Variants in CD200R1 observed in about 807,000 individuals in gnomAD.
The protein encoded by CD200R1 is cell surface glycoprotein CD200 receptor 1.
CD200R1 carries 30 observed loss-of-function variants against 38.1 expected under a neutral mutation model. The ratio of observed to expected loss-of-function variants is 0.79; its 90% confidence interval spans 0.59 to 1.07. The LOEUF is 1.07. Among genes scored for constraint, CD200R1 ranks in the 50% least tolerant of loss-of-function variants. The probability of loss-of-function intolerance (pLI) is 0.00; values close to 1 mark genes in which losing one functional copy is unlikely to be tolerated. For missense variants in CD200R1, 372 were observed against 415.4 expected (o/e 0.90, Z 0.91); for synonymous variants, 128 against 152.1 (o/e 0.84, Z 1.16).
chr3:112,960,335 ATC>A (rs1424118925), intron 1 of CD200R1, among the ~76,000 whole-genome samples: 1 of 152,234 alleles, frequency 6.6e-6, no homozygotes, highest in African/African-American at 2.4e-5. Flanking sequence ...ACAGCATATT[ATC>A]TTAATTGTTC....
intron 1 of CD200R1, among the ~76,000 whole-genome samples, chr3:112,968,382 C>T (rs1933218896): frequency 6.6e-6 from 1 of 152,132 alleles, no homozygotes; most frequent in Admixed American, 6.6e-5. Flanking sequence ...AGTTTCACTT[C>T]TTTATGGGCC....
intron 2 of CD200R1, among the ~76,000 whole-genome samples, chr3:112,935,394 A>G (rs1476228800): frequency 2.0e-5 from 3 of 152,246 alleles, no homozygotes; most frequent in African/African-American, 7.2e-5. Context: ...ATCTTATGTG[A>G]CCACAATGGA....
chr3:112,972,032 G>T (rs1342202388), intron 1 of CD200R1, among the ~76,000 whole-genome samples: 2 of 151,976 alleles, frequency 1.3e-5, no homozygotes, highest in Non-Finnish European at 2.9e-5. Flanking sequence ...TTCACCAATT[G>T]TTTCATCTTA....
At chr3:112,966,935 AT>A (rs1260683087) in intron 1 of CD200R1, among the ~76,000 whole-genome samples, 1 of 151,982 alleles carries the variant, frequency 6.6e-6, no homozygotes, top group Non-Finnish European at 1.5e-5. Context: ...TCAAACTGCA[AT>A]TTTCAAGGTC....
At chr3:112,942,871 T>G (rs9854885) in intron 2 of CD200R1, among the ~76,000 whole-genome samples, 1 of 151,346 alleles carries the variant, frequency 6.6e-6, no homozygotes, top group Non-Finnish European at 1.5e-5. Flanking sequence ...GAAAAGTTAT[T>G]ACATAATGAT....
In CD200R1 at chr3:112,974,890, T is replaced by C. The variant is rs1417875072; in HGVS notation, c.-33A>G. On this transcript the variant is annotated 5_prime_UTR_variant, in exon 1 of 8. Coordinates refer to ENST00000308611, the MANE Select transcript of CD200R1 (RefSeq NM_138806.4). ...TTCTCTTTTTCTGCCCTTCACTCAG[T>C]ACTTTTCCTCCACACAGGTACAGAA... 4 of 1,578,158 alleles carry C rather than the reference T, an allele frequency of 2.5e-6. No individual in the cohort carries two copies. The highest frequency in any genetic ancestry group is 3.5e-6 in the Non-Finnish European group (4 of 1,148,384).
At chr3:112,956,067 GT>G (rs905371041) in intron 1 of CD200R1, among the ~76,000 whole-genome samples, 11 of 151,930 alleles carry the variant, frequency 7.2e-5, no homozygotes, top group Non-Finnish European at 1.5e-4. Context: ...GGTTTGGAAA[GT>G]TTTTTGCTAT....
At chr3:112,943,579 G>A (rs1488206803) in intron 2 of CD200R1, among the ~76,000 whole-genome samples, 1 of 151,468 alleles carries the variant, frequency 6.6e-6, no homozygotes, top group East Asian at 1.9e-4. Context: ...CTAGAAAATA[G>A]AAGAGCAAAT....
Position 112,962,805 on chromosome 3 carries a change from T to A in CD200R1, c.67+11986A>T, listed in dbSNP as rs139523171. Among the ~76,000 whole-genome samples the A allele has an allele frequency of 2.0e-3, 301 of 152,312 alleles. 6 individuals are homozygous for A. The East Asian group carries it at 0.046, about 23-fold the overall frequency. On this transcript the variant is annotated intron_variant, in intron 1 of 7. Coordinates refer to ENST00000308611, the MANE Select transcript of CD200R1 (RefSeq NM_138806.4). ...ACTAGAGCCTTGAAAACATTTATAA[T>A]TAGAGATCTCTTGGAGGCATTGCAC...
chr3:112,954,248 T>G (rs1049923857), intron 1 of CD200R1, among the ~76,000 whole-genome samples: 1 of 152,184 alleles, frequency 6.6e-6, no homozygotes, highest in African/African-American at 2.4e-5. Context: ...TGTTATTGAT[T>G]TCAGGCTTTA....
At position 112,922,737 on chromosome 3, in the gene CD200R1, A is replaced by C. The variant is rs1940197831; in HGVS notation, c.*940T>G. On this transcript the variant is annotated 3_prime_UTR_variant, in exon 8 of 8. Coordinates refer to ENST00000308611, the MANE Select transcript of CD200R1 (RefSeq NM_138806.4). ...AGTATAATTCTTATTATAATCTCACATCATATTTAATCTGGTTGATTAAAA... is the reference window on the plus strand; with the variant it reads ...AGTATAATTCTTATTATAATCTCACCTCATATTTAATCTGGTTGATTAAAA... 6.6e-6 allele frequency: 1 copy of C among 151,976 alleles called. No homozygotes were observed. Among genetic ancestry groups the C allele is most frequent in the Non-Finnish European group, 1.5e-5 (1 of 67,916 alleles). The allele number at this position is 151,976 out of a possible 1,614,324, so 9.4% of individuals were successfully genotyped here. A position where few individuals can be genotyped will look rare whatever the true frequency, so the allele number is the denominator to read the frequency against.
chr3:112,947,799 C>T, intron 2 of CD200R1, 57 bp downstream of exon 2: 1 of 1,099,452 alleles, frequency 9.1e-7, no homozygotes. Context: ...AAATGTAAAA[C>T]CTATATGGAC....
chr3:112,956,408 A>G (rs1436090587), intron 1 of CD200R1, among the ~76,000 whole-genome samples: 2 of 150,634 alleles, frequency 1.3e-5, no homozygotes, highest in Non-Finnish European at 3.0e-5. Context: ...GCCACTTAAT[A>G]TTTTCCTAAT....
intron 2 of CD200R1, among the ~76,000 whole-genome samples, chr3:112,940,285 A>G (rs1940698137): frequency 6.6e-6 from 1 of 151,948 alleles, no homozygotes; most frequent in Non-Finnish European, 1.5e-5. Context: ...ATAAGACCTC[A>G]ATAGCATAGG....
Position 112,954,442 on chromosome 3 carries a change from T to C in CD200R1, c.68-6518A>G, listed in dbSNP as rs151024219. On this transcript the variant is annotated intron_variant, in intron 1 of 7. Coordinates refer to ENST00000308611, the MANE Select transcript of CD200R1 (RefSeq NM_138806.4). ...TCCTTAAAGTCTCCAAAGTGATGTC[T>C]TTTGTGTATGCTCATTAGTTGACTG... is the stretch of plus-strand genomic sequence containing the variant. Among the ~76,000 whole-genome samples, 475 of 152,340 alleles carry C rather than the reference T, an allele frequency of 3.1e-3. 3 individuals are homozygous for C. Among genetic ancestry groups the C allele is most frequent in the African/African-American group, 0.011 (458 of 41,574 alleles).
Position 112,943,479 on chromosome 3 carries a change from G to C in CD200R1, c.136+4377C>G, listed in dbSNP as rs543530592. Among the ~76,000 whole-genome samples the C allele has an allele frequency of 2.0e-5, 3 of 151,838 alleles. No individual in the cohort carries two copies. The East Asian group carries it at 5.8e-4, about 29-fold the overall frequency. Reference sequence around the variant, plus strand: ...AAAATTTGTGGATGCAGCAGGAGTAGTTCTTAGAGGGAAATTTATAGCATT... The same window carrying C: ...AAAATTTGTGGATGCAGCAGGAGTACTTCTTAGAGGGAAATTTATAGCATT... On this transcript the variant is annotated intron_variant, in intron 2 of 7. Transcript: ENST00000308611.
Position 112,925,012 on chromosome 3 carries a change from G to A in CD200R1, c.878+73C>T. The A allele has an allele frequency of 3.4e-6, 3 of 874,626 alleles. No homozygotes were observed. In the Admixed American group the frequency reaches 5.9e-5, roughly 17 times the overall value. The allele number at this position is 874,626 out of a possible 1,614,324, so 54.2% of individuals were successfully genotyped here. A position where few individuals can be genotyped will look rare whatever the true frequency, so the allele number is the denominator to read the frequency against. On this transcript the variant is annotated intron_variant, in intron 6 of 7. Transcript: ENST00000308611. ...TTAACATCCTAATATACCCAATACGGTCAGTTCCATATTTCTGACTCTTTT... is the reference window on the plus strand; with the variant it reads ...TTAACATCCTAATATACCCAATACGATCAGTTCCATATTTCTGACTCTTTT...
chr3:112,956,068 T>A (rs1329325482), intron 1 of CD200R1, among the ~76,000 whole-genome samples: 3 of 152,060 alleles, frequency 2.0e-5, no homozygotes, highest in African/African-American at 7.2e-5. Flanking sequence ...GTTTGGAAAG[T>A]TTTTTGCTAT....
intron 5 of CD200R1, among the ~76,000 whole-genome samples, chr3:112,926,180 C>T (rs1295409229): frequency 1.3e-5 from 2 of 152,158 alleles, no homozygotes; most frequent in Non-Finnish European, 2.9e-5. Context: ...ATACAAAACT[C>T]TATCTGACAA....
Sources: gnomAD v4.1 joint callset for allele counts (sites outside exome capture counted in the v4.1 genomes callset) on GRCh38, gnomAD v4.1.1 for gene constraint, MANE v1.5 for transcripts, NCBI Gene and HGNC (gene_info 2026-07-23, HGNC 2026-07-21) for gene names.